TMIGD3: variants seen among roughly 807,000 people sequenced by gnomAD.
The protein encoded by TMIGD3 is transmembrane and immunoglobulin domain containing 3.
TMIGD3 carries 21 observed loss-of-function variants against 28.1 expected under a neutral mutation model. The ratio of observed to expected loss-of-function variants is 0.75; its 90% confidence interval spans 0.53 to 1.08. The LOEUF is 1.08. Among genes scored for constraint, TMIGD3 ranks in the 50% least tolerant of loss-of-function variants. The pLI is 0.00. For synonymous variants in TMIGD3, 151 were observed against 162.1 expected (o/e 0.93, Z 0.52); for missense variants, 416 against 435.6 (o/e 0.96, Z 0.40).
chr1:111,503,575 C>A lies in TMIGD3; in HGVS notation c.-221G>T, dbSNP rs41282522. ...ATCACAGGTGGGTCACTTCCAGCCCCTTTATGCACCGCACATCCTCAAGTT... is the reference window on the plus strand; with the variant it reads ...ATCACAGGTGGGTCACTTCCAGCCCATTTATGCACCGCACATCCTCAAGTT... On this transcript the variant is annotated 5_prime_UTR_variant, in exon 1 of 6. The change creates a new upstream start codon in the 5' untranslated region. Transcript: ENST00000369716. 5.8e-6 allele frequency: 8 copies of A among 1,373,232 alleles called. No homozygotes were observed. Among genetic ancestry groups the A allele is most frequent in the Non-Finnish European group, 7.5e-6 (8 of 1,061,632 alleles). The allele number at this position is 1,373,232 out of a possible 1,614,324, so 85.1% of individuals were successfully genotyped here.
chr1:111,547,242 C>T (rs1469504105), intron 1 of TMIGD3, among the ~76,000 whole-genome samples: 1 of 151,792 alleles, frequency 6.6e-6, no homozygotes, highest in African/African-American at 2.4e-5. Context: ...TCAAAGATGA[C>T]CTTTATGAGA....
At position 111,503,351 on chromosome 1, in the gene TMIGD3, G is replaced by T; in HGVS notation, c.4C>A (p.Pro2Thr). ...AATGACAGAGCAGTGCTGTTGTTGG[G>T]CATCTTGCCTTCCCAGGGGAACCTC... M[P>T]NNSTALSLAN... Residue 2 changes from proline (P) to threonine (T), a missense_variant, in exon 1 of 6, where the codon CCC becomes ACC. Physicochemically the swap from Pro to Thr is conservative, Grantham distance 38. Transcript: ENST00000369716. 2 of 1,606,724 alleles carry T rather than the reference G, an allele frequency of 1.2e-6. No homozygotes were observed. The highest frequency in any genetic ancestry group is 1.7e-6 in the Non-Finnish European group (2 of 1,174,848).
intron 1 of TMIGD3, among the ~76,000 whole-genome samples, chr1:111,534,643 T>A (rs907599813): frequency 6.6e-6 from 1 of 152,118 alleles, no homozygotes; most frequent in African/African-American, 2.4e-5. Context: ...GAAGAACTGA[T>A]CCCTCAGGGA....
intron 1 of TMIGD3, among the ~76,000 whole-genome samples, chr1:111,527,959 T>C (rs920522066): frequency 5.3e-5 from 8 of 152,212 alleles, no homozygotes; most frequent in African/African-American, 1.9e-4. Context: ...GCTTATCACC[T>C]CATTCTCTCT....
intron 1 of TMIGD3, among the ~76,000 whole-genome samples, chr1:111,544,315 A>G (rs566594007): frequency 6.6e-6 from 1 of 152,200 alleles, no homozygotes; most frequent in African/African-American, 2.4e-5. Flanking sequence ...ACAATGTTGT[A>G]CAACCATCAC....
At chr1:111,529,541 G>T (rs1456953508) in intron 1 of TMIGD3, among the ~76,000 whole-genome samples, 2 of 149,180 alleles carry the variant, frequency 1.3e-5, no homozygotes, top group African/African-American at 2.5e-5. Context: ...GTGTCCCTGG[G>T]TACTTGAGAT....
At chr1:111,522,864 A>G (rs1443351538) in intron 1 of TMIGD3, among the ~76,000 whole-genome samples, 1 of 152,178 alleles carries the variant, frequency 6.6e-6, no homozygotes, top group East Asian at 1.9e-4. Flanking sequence ...TAGAATAGAG[A>G]AATACAATTA....
chr1:111,523,917 C>A (rs564189674), intron 1 of TMIGD3, among the ~76,000 whole-genome samples: 7 of 150,322 alleles, frequency 4.7e-5, no homozygotes, highest in African/African-American at 1.7e-4. Context: ...CAACGATTTT[C>A]TCTATTTTTT....
At chr1:111,546,212 A>G (rs951203194) in intron 1 of TMIGD3, among the ~76,000 whole-genome samples, 5 of 152,166 alleles carry the variant, frequency 3.3e-5, no homozygotes, top group Non-Finnish European at 5.9e-5. Flanking sequence ...AGCAATTTAG[A>G]AAGTACTGCC....
At chr1:111,511,259 T>C (rs1462000684) in intron 1 of TMIGD3, among the ~76,000 whole-genome samples, 1 of 152,182 alleles carries the variant, frequency 6.6e-6, no homozygotes, top group African/African-American at 2.4e-5. Context: ...AATTATGTCT[T>C]ATTCATTTTT....
chr1:111,498,859 G>A (rs2100974207), intron 1 of TMIGD3, among the ~76,000 whole-genome samples: 1 of 152,332 alleles, frequency 6.6e-6, no homozygotes, highest in East Asian at 1.9e-4. Flanking sequence ...GGCCAAGGCA[G>A]GAGGATCACT....
In TMIGD3 at chr1:111,495,865, G is replaced by A. The variant is rs1654865178; in HGVS notation, c.351-5103C>T. ...TCATGTCCTTTGCAGGAACATAGAT[G>A]GAGCTGGAGGCCATTATCCTTAGTA... On this transcript the variant is annotated intron_variant, in intron 1 of 5. Transcript: ENST00000369716. 3.3e-5 allele frequency among the ~76,000 whole-genome samples: 5 copies of A among 152,320 alleles called. No individual in the cohort carries two copies. The South Asian group carries it at 1.0e-3, about 32-fold the overall frequency.
chr1:111,488,730 A>G lies in TMIGD3; in HGVS notation c.752T>C (p.Leu251Pro). 1 of 1,614,162 alleles carries G rather than the reference A, an allele frequency of 6.2e-7. No homozygotes were observed. Among genetic ancestry groups the G allele is most frequent in the South Asian group, 1.1e-5 (1 of 91,086 alleles). ...GGTTCCTTTGTCGTCAGTTACAATC[A>G]GCTCTGTAAAATCCATGTCATCCCT... ...FARDDMDFTE[L>P]IVTDDKGTLA... Residue 251 changes from leucine to proline, a missense_variant, in exon 3 of 6, where the codon CTG becomes CCG. Leu to Pro is a moderately conservative substitution (Grantham distance 98, BLOSUM62 -3). Transcript: ENST00000369716.
At chr1:111,557,845 G>A (rs780121429) in intron 1 of TMIGD3, among the ~76,000 whole-genome samples, 9 of 152,086 alleles carry the variant, frequency 5.9e-5, no homozygotes, top group Non-Finnish European at 1.3e-4. Flanking sequence ...CATAAAAATT[G>A]GGGGAGATTA....
intron 1 of TMIGD3, among the ~76,000 whole-genome samples, chr1:111,540,275 C>T (rs1367387594): frequency 6.6e-6 from 1 of 152,320 alleles, no homozygotes; most frequent in African/African-American, 2.4e-5. Flanking sequence ...TTTTGACATG[C>T]AAAGGGTTGG....
rs781197848 is a variant in TMIGD3 at position 111,483,672 on chromosome 1, T to TA, written c.*14dup. On this transcript the variant is annotated 3_prime_UTR_variant, in exon 6 of 6. Coordinates refer to ENST00000369716, the MANE Select transcript of TMIGD3 (RefSeq NM_020683.7). ...TGTAGCATCACTTTATGAACTAAAT[T>TA]AAAAAAATCTTCAGTCACATCTGTT... The TA allele has an allele frequency of 3.1e-4, 492 of 1,601,656 alleles. 5 individuals carry two copies. Among genetic ancestry groups the TA allele is most frequent in the Non-Finnish European group, 1.1e-4 (124 of 1,168,834 alleles).
chr1:111,499,378 C>A, intron 1 of TMIGD3: 1 of 982,436 alleles, frequency 1.0e-6, no homozygotes, highest in African/African-American at 1.7e-5. Context: ...CCAAAGACAG[C>A]CAGCTGGGTC....
intron 1 of TMIGD3, among the ~76,000 whole-genome samples, chr1:111,517,506 G>A (rs1431337497): frequency 2.0e-5 from 3 of 152,118 alleles, no homozygotes; most frequent in Non-Finnish European, 4.4e-5. Context: ...CTGAGAATTT[G>A]CCCTGAGTAG....
At chr1:111,487,072 G>A (rs1199788953) in intron 3 of TMIGD3, among the ~76,000 whole-genome samples, 1 of 152,226 alleles carries the variant, frequency 6.6e-6, no homozygotes, top group Non-Finnish European at 1.5e-5. Context: ...ATTTCGTGAT[G>A]TAATTGCCAT....
Sources: allele counts gnomAD v4.1 joint callset (sites outside exome capture counted in the v4.1 genomes callset), GRCh38; gene constraint gnomAD v4.1.1; transcripts MANE v1.5; gene names NCBI Gene and HGNC (gene_info 2026-07-23, HGNC 2026-07-21).